GTF2IRD1: variants seen among roughly 807,000 people sequenced by gnomAD.
GTF2IRD1 encodes general transcription factor II-I repeat domain-containing protein 1.
In GTF2IRD1, 26 loss-of-function variants were observed where a neutral mutation model predicts 113.2. The observed-to-expected ratio is 0.23, with a 90% CI of 0.17 to 0.32. The LOEUF is 0.32. GTF2IRD1 is among the 10% of genes least tolerant of loss of function. GTF2IRD1 has a pLI of 1.00. For missense variants in GTF2IRD1, 864 were observed against 1,280.8 expected, an observed-to-expected ratio of 0.67 and a Z score of 4.97; for synonymous variants, 484 against 529.1, an observed-to-expected ratio of 0.91 and a Z score of 1.17.
intron 1 of GTF2IRD1, among the ~76,000 whole-genome samples, chr7:74,478,119 G>A (rs879995039): frequency 6.6e-6 from 1 of 152,200 alleles, no homozygotes; most frequent in Non-Finnish European, 1.5e-5. Context: ...AGCCAGAACT[G>A]GGGGCACCAA....
At chr7:74,567,872 G>C (rs1305111137) in intron 22 of GTF2IRD1, among the ~76,000 whole-genome samples, 1 of 151,978 alleles carries the variant, frequency 6.6e-6, no homozygotes, top group Non-Finnish European at 1.5e-5. Context: ...TGCAACCCCC[G>C]CCTCCCGGGT....
At chr7:74,589,776 G>A (rs782521516) in intron 22 of GTF2IRD1, 75 bp from the exon 23 acceptor site, 15 of 854,656 alleles carry the variant, frequency 1.8e-5, no homozygotes, top group East Asian at 4.9e-5. Context: ...GATCAGGGAC[G>A]CCTGGTGGGA....
chr7:74,579,828 T>C (rs1801305434), intron 22 of GTF2IRD1, among the ~76,000 whole-genome samples: 1 of 151,974 alleles, frequency 6.6e-6, no homozygotes, highest in Non-Finnish European at 1.5e-5. Flanking sequence ...TGAAGGAAAT[T>C]GGATAGGGCA....
At chr7:74,569,478 G>A (rs1800555892) in intron 22 of GTF2IRD1, among the ~76,000 whole-genome samples, 1 of 152,194 alleles carries the variant, frequency 6.6e-6, no homozygotes, top group African/African-American at 2.4e-5. Context: ...AGTGAGGGGG[G>A]GATGGAGAAT....
In GTF2IRD1 at chr7:74,508,175, C is replaced by T; in HGVS notation, c.95C>T (p.Thr32Ile). The change falls in exon 2 of 27, where the codon ACC (threonine) becomes ATC (isoleucine). Residue 32 changes from threonine to isoleucine, a missense_variant. Transcript: ENST00000424337. Reference sequence around the variant, plus strand: ...TTCACCCGCAAAGACGAGATCATCACCAGCCTCGTGTCTGCCTTAGACTCC... The same window carrying T: ...TTCACCCGCAAAGACGAGATCATCATCAGCCTCGTGTCTGCCTTAGACTCC... ...SAFTRKDEIITSLVSALDSMC... is the reference protein window; with the variant it reads ...SAFTRKDEIIISLVSALDSMC... 4.3e-6 allele frequency: 7 copies of T among 1,613,074 alleles called. No individual in the cohort carries two copies. Among genetic ancestry groups the T allele is most frequent in the Non-Finnish European group, 5.9e-6 (7 of 1,179,994 alleles).
chr7:74,492,361 T>C (rs1464070119), intron 1 of GTF2IRD1, among the ~76,000 whole-genome samples: 1 of 151,650 alleles, frequency 6.6e-6, no homozygotes, highest in African/African-American at 2.4e-5. Context: ...TAGTGGAAAC[T>C]GAGTTTCACC....
rs587763092 is a variant in GTF2IRD1, at chr7:74,538,753, C to T, written c.1521C>T (p.Thr507=). Residue 507 remains threonine (T), a synonymous_variant, in exon 13 of 27, where the codon ACC becomes ACT. Transcript: ENST00000424337. The part of the protein sequence containing the change: ...EPEDLDIIQV[T]VPDPSPTSEE... ...AGGATCTGGACATCATTCAGGTCAC[C>T]GTCCCAGGTAAGGGACGGGCATCTG... 3.4e-5 allele frequency: 54 copies of T among 1,570,372 alleles called. 1 individual carries two copies. Among genetic ancestry groups the T allele is most frequent in the Non-Finnish European group, 4.2e-5 (48 of 1,140,278 alleles).
chr7:74,496,858 C>G (rs926742300), intron 1 of GTF2IRD1, among the ~76,000 whole-genome samples: 6 of 152,032 alleles, frequency 3.9e-5, no homozygotes, highest in African/African-American at 1.4e-4. Context: ...CCCCCTCCCC[C>G]CATTTTGAAA....
intron 1 of GTF2IRD1, among the ~76,000 whole-genome samples, chr7:74,460,052 T>C (rs1793262417): frequency 6.6e-6 from 1 of 151,834 alleles, no homozygotes; most frequent in South Asian, 2.1e-4. Flanking sequence ...CTCGGCTCAC[T>C]GCAGCTTCTC....
chr7:74,508,808 A>G (rs1022935988), intron 2 of GTF2IRD1, among the ~76,000 whole-genome samples: 1 of 151,914 alleles, frequency 6.6e-6, no homozygotes, highest in Non-Finnish European at 1.5e-5. Flanking sequence ...CCACATGCCT[A>G]TCTCCTAGCA....
intron 22 of GTF2IRD1, among the ~76,000 whole-genome samples, chr7:74,560,047 T>C (rs1457874512): frequency 2.6e-5 from 4 of 152,146 alleles, no homozygotes; most frequent in African/African-American, 7.2e-5. Flanking sequence ...TCCCAAAGCG[T>C]TGGGATTACA....
chr7:74,489,303 G>C, intron 1 of GTF2IRD1, among the ~76,000 whole-genome samples: 1 of 152,020 alleles, frequency 6.6e-6, no homozygotes, highest in South Asian at 2.1e-4. Context: ...TGTCATGGTC[G>C]GGGGTGTCAC....
At chr7:74,569,519 G>A (rs1800558800) in intron 22 of GTF2IRD1, among the ~76,000 whole-genome samples, 1 of 152,216 alleles carries the variant, frequency 6.6e-6, no homozygotes, top group African/African-American at 2.4e-5. Context: ...GAATGGTAAA[G>A]GGCCTAGCCT....
At chr7:74,520,885 TATA>T (rs1554345772) in intron 6 of GTF2IRD1, among the ~76,000 whole-genome samples, 1 of 139,598 alleles carries the variant, frequency 7.2e-6, no homozygotes, top group Non-Finnish European at 1.5e-5. Context: ...TTATTATTAT[TATA>T]AGGGGGAAAA....
intron 1 of GTF2IRD1, among the ~76,000 whole-genome samples, chr7:74,456,005 T>C (rs1301204178): frequency 6.6e-6 from 1 of 152,198 alleles, no homozygotes; most frequent in African/African-American, 2.4e-5. Flanking sequence ...GTTCTCTCGA[T>C]GTTGGGAGAA....
chr7:74,593,663 G>C (rs587730317), intron 24 of GTF2IRD1, among the ~76,000 whole-genome samples: 52 of 150,952 alleles, frequency 3.4e-4, no homozygotes, highest in Non-Finnish European at 6.8e-4. Context: ...AACCTGGGAG[G>C]CGGAGCTTGC....
At chr7:74,573,866 C>A (rs587701300) in intron 22 of GTF2IRD1, among the ~76,000 whole-genome samples, 142 of 152,248 alleles carry the variant, frequency 9.3e-4, no homozygotes, top group African/African-American at 3.4e-3. Context: ...CCAACAGAGG[C>A]CTTGGGGGCG....
intron 1 of GTF2IRD1, among the ~76,000 whole-genome samples, chr7:74,475,613 C>G (rs1794355195): frequency 6.6e-6 from 1 of 152,114 alleles, no homozygotes; most frequent in Non-Finnish European, 1.5e-5. Context: ...GGGGAGGGGC[C>G]GCTTCATGAA....
intron 22 of GTF2IRD1, among the ~76,000 whole-genome samples, chr7:74,587,610 C>G (rs1801791641): frequency 6.6e-6 from 1 of 152,084 alleles, no homozygotes; most frequent in South Asian, 2.1e-4. Context: ...CCCATGTGAC[C>G]CCACGCTTCT....
Sources: gnomAD v4.1 joint callset for allele counts (sites outside exome capture counted in the v4.1 genomes callset) on GRCh38, gnomAD v4.1.1 for gene constraint, MANE v1.5 for transcripts, NCBI Gene and HGNC (gene_info 2026-07-23, HGNC 2026-07-21) for gene names.